DHTKD1: variants seen among roughly 807,000 people sequenced by gnomAD.
The protein encoded by DHTKD1 is 2-oxoadipate dehydrogenase complex component E1.
Under a neutral mutation model 101.8 loss-of-function variants are expected in DHTKD1, and 78 were observed. The observed-to-expected ratio is 0.77, with a 90% CI of 0.64 to 0.93. The LOEUF is 0.93. Ranked by LOEUF, DHTKD1 falls within the 40% of genes least tolerant of loss-of-function variation. The pLI is 0.00. For missense variants in DHTKD1, 1,223 were observed against 1,161.7 expected (o/e 1.05, Z -0.77); for synonymous variants, 462 against 450.3 (o/e 1.03, Z -0.33).
intron 1 of DHTKD1, among the ~76,000 whole-genome samples, chr10:12,076,015 C>A (rs1832722627): frequency 6.6e-6 from 1 of 151,624 alleles, no homozygotes; most frequent in Admixed American, 6.6e-5. Flanking sequence ...ATTTCTTCCC[C>A]TAATTTTACT....
Position 12,114,133 on chromosome 10 carries a change from A to T in DHTKD1, c.2319+1069A>T, listed in dbSNP as rs188911012. 1.7e-4 allele frequency among the ~76,000 whole-genome samples: 25 copies of T among 151,496 alleles called. No homozygotes were observed. In the East Asian group the frequency reaches 4.7e-3, roughly 28 times the overall value. ...TCATTTTATCATTTAACACATACGT[A>T]GGTTTACCTATTTATCTGTTAAGTG... On this transcript the variant is annotated intron_variant, in intron 13 of 16. Coordinates refer to ENST00000263035, the MANE Select transcript of DHTKD1 (RefSeq NM_018706.7).
intron 5 of DHTKD1, 149 bp downstream of exon 5, chr10:12,089,404 C>T (rs1832954942): frequency 1.2e-6 from 1 of 835,072 alleles, no homozygotes; most frequent in South Asian, 1.8e-5. Context: ...TAAAAACTAA[C>T]AGGAGATTCA....
At position 12,120,775 on chromosome 10, in the gene DHTKD1, C is replaced by T; in HGVS notation, c.2659-12C>T. Reference sequence around the variant, plus strand: ...AAAATGTCATTTTATTTCTTCTCTGCTGCACTTATAGCTCCGTCTGGTGGG... The same window carrying T: ...AAAATGTCATTTTATTTCTTCTCTGTTGCACTTATAGCTCCGTCTGGTGGG... On this transcript the variant is annotated splice_polypyrimidine_tract_variant and intron_variant, in intron 16 of 16. Transcript: ENST00000263035. 1 of 1,610,826 alleles carries T rather than the reference C, an allele frequency of 6.2e-7. No individual in the cohort carries two copies. The highest frequency in any genetic ancestry group is 8.5e-7 in the Non-Finnish European group (1 of 1,177,022).
chr10:12,090,722 A>G (rs72779628), intron 5 of DHTKD1, among the ~76,000 whole-genome samples: 11,962 of 152,148 alleles, frequency 0.079, 611 homozygotes, highest in Non-Finnish European at 0.12. Context: ...CCTAGCTTCA[A>G]GCAACCCTCC....
chr10:12,068,977 C>A lies in DHTKD1; in HGVS notation c.-57C>A. On this transcript the variant is annotated 5_prime_UTR_variant, in exon 1 of 17. Transcript: ENST00000263035. ...CTGACGAGTCCCGGATTTACCAGGG[C>A]CGGTGGGATCCCCTCGGGCTCCCGC... The A allele has an allele frequency of 1.3e-6, 2 of 1,599,312 alleles. No homozygotes were observed. Among genetic ancestry groups the A allele is most frequent in the Non-Finnish European group, 8.5e-7 (1 of 1,171,944 alleles).
At chr10:12,070,482 T>G (rs1250470522) in intron 1 of DHTKD1, among the ~76,000 whole-genome samples, 1 of 152,178 alleles carries the variant, frequency 6.6e-6, no homozygotes. Context: ...CTCATATCTC[T>G]GTCTCTCTCT....
At chr10:12,085,924 ACAT>A (rs1221191774) in intron 3 of DHTKD1, among the ~76,000 whole-genome samples, 1 of 152,124 alleles carries the variant, frequency 6.6e-6, no homozygotes, top group Non-Finnish European at 1.5e-5. Flanking sequence ...AAATAAAAAA[ACAT>A]AGTTCTTAAG....
At chr10:12,105,205 G>A (rs1276046632) in intron 10 of DHTKD1, among the ~76,000 whole-genome samples, 1 of 152,064 alleles carries the variant, frequency 6.6e-6, no homozygotes, top group African/African-American at 2.4e-5. Flanking sequence ...TTTTTTTAAT[G>A]TTAACATATC....
At chr10:12,073,195 G>A (rs1487540523) in intron 1 of DHTKD1, among the ~76,000 whole-genome samples, 1 of 151,892 alleles carries the variant, frequency 6.6e-6, no homozygotes, top group Non-Finnish European at 1.5e-5. Context: ...ACCCCGCCCA[G>A]CTAATTTTTA....
At chr10:12,100,287 G>GTTTTTTTTTTTGT in intron 9 of DHTKD1, 25 bp downstream of exon 9, 62 of 269,800 alleles carry the variant, frequency 2.3e-4, no homozygotes, top group Admixed American at 4.6e-4. Context: ...TTTTTTTTCT[G>GTTTTTTTTTTTGT]TTTTTTTTTT....
At chr10:12,100,071 C>A in intron 8 of DHTKD1, 107 bp from the exon 9 acceptor site, 1 of 579,092 alleles carries the variant, frequency 1.7e-6, no homozygotes, top group South Asian at 2.5e-5. Context: ...GCTGGGATTA[C>A]AGGCATGAGC....
intron 2 of DHTKD1, among the ~76,000 whole-genome samples, chr10:12,082,448 T>C (rs926166516): frequency 2.0e-5 from 3 of 152,180 alleles, no homozygotes; most frequent in Non-Finnish European, 4.4e-5. Flanking sequence ...CTTGCAAATA[T>C]CAAATTCTGA....
chr10:12,113,088 C>T (rs756481909), intron 13 of DHTKD1, 24 bp downstream of exon 13: 2 of 1,553,500 alleles, frequency 1.3e-6, no homozygotes, highest in Non-Finnish European at 1.7e-6. Flanking sequence ...GGTGAATAAG[C>T]CTTCCTCCTT....
intron 13 of DHTKD1, among the ~76,000 whole-genome samples, chr10:12,117,115 G>A (rs559025980): frequency 2.0e-5 from 3 of 151,838 alleles, no homozygotes; most frequent in Admixed American, 6.6e-5. Context: ...CAATTCTCCC[G>A]CCTCAGCCTC....
At chr10:12,102,545 G>C (rs1833188040) in intron 10 of DHTKD1, among the ~76,000 whole-genome samples, 1 of 151,768 alleles carries the variant, frequency 6.6e-6, no homozygotes, top group Non-Finnish European at 1.5e-5. Context: ...GATCAAGTCA[G>C]ATTGCCAAAC....
At chr10:12,114,950 C>G (rs1220627784) in intron 13 of DHTKD1, among the ~76,000 whole-genome samples, 1 of 152,136 alleles carries the variant, frequency 6.6e-6, no homozygotes, top group Non-Finnish European at 1.5e-5. Context: ...CGCCTGCCAC[C>G]ACGACCTGCT....
At chr10:12,095,648 C>T (rs909231733) in intron 7 of DHTKD1, among the ~76,000 whole-genome samples, 1 of 151,834 alleles carries the variant, frequency 6.6e-6, no homozygotes, top group African/African-American at 2.4e-5. Context: ...CGCGTCTCTA[C>T]TAAAAATACA....
At chr10:12,099,109 G>T (rs1564394381) in intron 8 of DHTKD1, among the ~76,000 whole-genome samples, 2 of 151,880 alleles carry the variant, frequency 1.3e-5, no homozygotes, top group African/African-American at 4.8e-5. Context: ...GGTCGAGCCT[G>T]CAATGAGCTG....
At chr10:12,113,867 G>A (rs566708763) in intron 13 of DHTKD1, among the ~76,000 whole-genome samples, 6 of 152,148 alleles carry the variant, frequency 3.9e-5, no homozygotes, top group East Asian at 3.9e-4. Flanking sequence ...CTGCAGTGAC[G>A]TATGACCATG....
Sources: allele counts gnomAD v4.1 joint callset (sites outside exome capture counted in the v4.1 genomes callset), GRCh38; gene constraint gnomAD v4.1.1; transcripts MANE v1.5; gene names NCBI Gene and HGNC (gene_info 2026-07-23, HGNC 2026-07-21).